VIRMA: variants seen among roughly 807,000 people sequenced by gnomAD.
VIRMA encodes the protein protein virilizer homolog.
In VIRMA, 65 loss-of-function variants were observed where a neutral mutation model predicts 182.4. The ratio of observed to expected loss-of-function variants is 0.36; its 90% confidence interval spans 0.29 to 0.44. The LOEUF (loss-of-function observed/expected upper bound fraction) is 0.44, where lower values mean the gene tolerates loss of function less well. Among genes scored for constraint, VIRMA ranks in the 20% least tolerant of loss-of-function variants. VIRMA has a pLI of 1.00. For synonymous variants in VIRMA, 709 were observed against 743.1 expected, an observed-to-expected ratio of 0.95 and a Z score of 0.75; for missense variants, 1,752 against 2,158.1, an observed-to-expected ratio of 0.81 and a Z score of 3.73.
intron 2 of VIRMA, among the ~76,000 whole-genome samples, chr8:94,541,795 G>A (rs1476342332): frequency 6.6e-6 from 1 of 152,192 alleles, no homozygotes; most frequent in East Asian, 1.9e-4. Context: ...ACCTGCCTCA[G>A]CTTCCCATAG....
chr8:94,530,989 T>C lies in VIRMA; in HGVS notation c.581A>G (p.Asp194Gly), dbSNP rs761957081. 4 of 1,604,548 alleles carry C rather than the reference T, an allele frequency of 2.5e-6. No individual in the cohort carries two copies. Among genetic ancestry groups the C allele is most frequent in the Non-Finnish European group, 2.6e-6 (3 of 1,175,794 alleles). ...TPPGPPPPDDDEDDPVPLPVS... is the reference protein window; with the variant it reads ...TPPGPPPPDDGEDDPVPLPVS... ...TGGCAGAGGCACAGGATCATCTTCA[T>C]CATCATCAGGTGGAGGGGGTCCTGG... Residue 194 changes from aspartate (D) to glycine (G), a missense_variant, in exon 6 of 24, where the codon GAT becomes GGT. Asp to Gly is a moderately conservative substitution (Grantham distance 94). Transcript: ENST00000297591.
chr8:94,526,136 A>T, intron 8 of VIRMA, 87 bp downstream of exon 8: 1 of 995,388 alleles, frequency 1.0e-6, no homozygotes, highest in Non-Finnish European at 1.5e-6. Context: ...TAAGTTACCT[A>T]CAATCAGATA....
chr8:94,493,863 T>A (rs1346776281), intron 20 of VIRMA, among the ~76,000 whole-genome samples: 2 of 152,186 alleles, frequency 1.3e-5, no homozygotes, highest in African/African-American at 2.4e-5. Flanking sequence ...CCTTACCACA[T>A]CTCTGAGAAG....
rs1277726040 is a variant in VIRMA at position 94,509,643 on chromosome 8, C to T, written c.3879+45G>A. On this transcript the variant is annotated intron_variant, in intron 15 of 23. Transcript: ENST00000297591. The stretch of plus-strand genomic sequence containing the variant: ...GCTTAAATACACACACACACACACA[C>T]ACATACACATGCAGAGAGAGACTTT... 10 of 1,555,742 alleles carry T rather than the reference C, an allele frequency of 6.4e-6. No homozygotes were observed. The East Asian group carries it at 1.1e-4, about 17-fold the overall frequency.
Position 94,519,036 on chromosome 8 carries a change from T to C in VIRMA, c.2462A>G (p.Asn821Ser). 6.2e-7 allele frequency: 1 copy of C among 1,613,582 alleles called. No homozygotes were observed. The highest frequency in any genetic ancestry group is 8.5e-7 in the Non-Finnish European group (1 of 1,179,728). Reference protein sequence around the residue: ...AVGHVFSLEKNLQSLITLMEY... With the variant: ...AVGHVFSLEKSLQSLITLMEY... ...CATTAGAGTAATAAGACTTTGGAGATTTTTCTCCAGACTAAAAACATGGCC... is the reference window on the plus strand; with the variant it reads ...CATTAGAGTAATAAGACTTTGGAGACTTTTCTCCAGACTAAAAACATGGCC... The change falls in exon 9 of 24, where the codon AAT becomes AGT. Residue 821 changes from asparagine to serine, a missense_variant. Physicochemically the swap from Asn to Ser is conservative, Grantham distance 46 (BLOSUM62 1). Coordinates refer to ENST00000297591, the MANE Select transcript of VIRMA (RefSeq NM_015496.5).
chr8:94,511,898 TTAAA>T (rs35216660), intron 12 of VIRMA, 94 bp downstream of exon 12: 178,420 of 699,662 alleles, frequency 0.26, 24,208 homozygotes, highest in South Asian at 0.44. Flanking sequence ...TTTTTCATTA[TTAAA>T]TAAATGATGT....
At chr8:94,545,567 AAAGAC>A (rs1249292257) in intron 1 of VIRMA, among the ~76,000 whole-genome samples, 1 of 152,240 alleles carries the variant, frequency 6.6e-6, no homozygotes, top group East Asian at 1.9e-4. Flanking sequence ...CTGAGGCTAC[AAAGAC>A]AAGACATAAT....
At position 94,526,070 on chromosome 8, in the gene VIRMA, T is replaced by G. The variant is rs117748531; in HGVS notation, c.2021+153A>C. 4.1e-3 allele frequency among the ~76,000 whole-genome samples: 619 copies of G among 152,364 alleles called. 2 individuals are homozygous for G. Among genetic ancestry groups the G allele is most frequent in the Non-Finnish European group, 7.1e-3 (486 of 68,034 alleles). ...ATAAGCTCACCCACAGTAACATACT[T>G]CTCAGTTCCACTACTAAATAACCGT... On this transcript the variant is annotated intron_variant, in intron 8 of 23. Coordinates refer to ENST00000297591, the MANE Select transcript of VIRMA (RefSeq NM_015496.5).
chr8:94,534,720 T>C, intron 5 of VIRMA, 119 bp downstream of exon 5: 2 of 1,083,918 alleles, frequency 1.8e-6, no homozygotes, highest in Non-Finnish European at 2.6e-6. Flanking sequence ...CCTCTCTTCC[T>C]CTCTCCCTCT....
chr8:94,491,358 C>T (rs967392111), intron 22 of VIRMA, among the ~76,000 whole-genome samples: 1 of 151,638 alleles, frequency 6.6e-6, no homozygotes, highest in Non-Finnish European at 1.5e-5. Context: ...GACTTCTAAA[C>T]TCATTATTAA....
chr8:94,514,080 C>G (rs1325922970), intron 11 of VIRMA, among the ~76,000 whole-genome samples: 4 of 89,938 alleles, frequency 4.4e-5, no homozygotes, highest in Non-Finnish European at 5.3e-5. Flanking sequence ...CTTATATACT[C>G]TCTCTCTCTC....
chr8:94,502,745 G>T (rs1814034547), intron 16 of VIRMA, among the ~76,000 whole-genome samples: 1 of 152,034 alleles, frequency 6.6e-6, no homozygotes, highest in Non-Finnish European at 1.5e-5. Context: ...GGAACACCTT[G>T]TAGTACTAGC....
chr8:94,550,180 C>G (rs1472080251), intron 1 of VIRMA, among the ~76,000 whole-genome samples: 2 of 151,970 alleles, frequency 1.3e-5, no homozygotes, highest in Non-Finnish European at 2.9e-5. Context: ...ACAAATTAAG[C>G]ATTCAATAAA....
In VIRMA at chr8:94,490,090, C is replaced by T; in HGVS notation, c.5141-8G>A. The T allele has an allele frequency of 6.3e-7, 1 of 1,595,086 alleles. No individual in the cohort carries two copies. The highest frequency in any genetic ancestry group is 1.1e-5 in the South Asian group (1 of 87,798). Reference sequence around the variant, plus strand: ...CCCGACGACTGTAGTTTCCTAAACACAAACAGCACAATCAAAATCACTTTT... The same window carrying T: ...CCCGACGACTGTAGTTTCCTAAACATAAACAGCACAATCAAAATCACTTTT... On this transcript the variant is annotated splice_region_variant and splice_polypyrimidine_tract_variant and intron_variant, in intron 22 of 23. Coordinates refer to ENST00000297591, the MANE Select transcript of VIRMA (RefSeq NM_015496.5).
At position 94,548,646 on chromosome 8, in the gene VIRMA, A is replaced by AT. The variant is rs1241239462; in HGVS notation, c.64-4705dup. ...TTAGAGATATAGTGTGCTTTTTTATATTTTTTTATTATTTATTTATTTATT... is the reference window on the plus strand; with the variant it reads ...TTAGAGATATAGTGTGCTTTTTTATATTTTTTTTATTATTTATTTATTTATT... On this transcript the variant is annotated intron_variant, in intron 1 of 23. Coordinates refer to ENST00000297591, the MANE Select transcript of VIRMA (RefSeq NM_015496.5). 2.0e-4 allele frequency among the ~76,000 whole-genome samples: 29 copies of AT among 145,030 alleles called. 1 individual carries two copies. Among genetic ancestry groups the AT allele is most frequent in the African/African-American group, 8.3e-4 (29 of 34,796 alleles).
intron 5 of VIRMA, among the ~76,000 whole-genome samples, chr8:94,531,427 T>A (rs1410690473): frequency 6.6e-6 from 1 of 152,238 alleles, no homozygotes; most frequent in Non-Finnish European, 1.5e-5. Flanking sequence ...GAGATTTTCA[T>A]CTTCAGAATT....
At chr8:94,490,841 C>CT (rs938698881) in intron 22 of VIRMA, among the ~76,000 whole-genome samples, 5 of 151,302 alleles carry the variant, frequency 3.3e-5, no homozygotes, top group Non-Finnish European at 7.4e-5. Context: ...GAGCAAAACT[C>CT]TGTCTCCAAA....
Position 94,527,083 on chromosome 8 carries a change from T to A in VIRMA, c.1161A>T (p.Glu387Asp). 6.2e-7 allele frequency: 1 copy of A among 1,614,156 alleles called. No individual in the cohort carries two copies. The highest frequency in any genetic ancestry group is 8.5e-7 in the Non-Finnish European group (1 of 1,180,026). Residue 387 changes from glutamate (E) to aspartate (D), a missense_variant, in exon 8 of 24, where the codon GAA becomes GAT. This residue lies in a region of VIRMA where 401 missense variants were observed against 455.1 expected (regional missense o/e 0.88). Transcript: ENST00000297591. ...TATCTTCTCTATACAAATCTAAGAG[T>A]TCTGTTAACTTCACTGAGGCTTCGA... ...GAIEASVKLTELLDLYREDRG... is the reference protein window; with the variant it reads ...GAIEASVKLTDLLDLYREDRG...
chr8:94,526,695 T>C lies in VIRMA; in HGVS notation c.1549A>G (p.Met517Val), dbSNP rs1412479112. The C allele has an allele frequency of 4.3e-6, 7 of 1,613,936 alleles. No homozygotes were observed. Among genetic ancestry groups the C allele is most frequent in the South Asian group, 1.1e-5 (1 of 91,060 alleles). The change falls in exon 8 of 24, where the codon ATG (methionine) becomes GTG (valine). Residue 517 changes from methionine to valine, a missense_variant. By Grantham distance (21) the Met-to-Val change is conservative. This residue lies in a region of VIRMA where 401 missense variants were observed against 455.1 expected (regional missense o/e 0.88). Transcript: ENST00000297591. Reference protein sequence around the residue: ...LDSVISMTEGMEAFLRGRQNE... With the variant: ...LDSVISMTEGVEAFLRGRQNE... The stretch of plus-strand genomic sequence containing the variant: ...TGCCTACCTCTTAAAAAAGCTTCCA[T>C]TCCTTCTGTCATACTAATGACACTG...
Sources: allele counts gnomAD v4.1 joint callset (sites outside exome capture counted in the v4.1 genomes callset), GRCh38; gene constraint gnomAD v4.1.1; regional missense constraint gnomAD v4.1.1; transcripts MANE v1.5; gene names NCBI Gene and HGNC (gene_info 2026-07-23, HGNC 2026-07-21).